The following TGM3 variants were observed in gnomAD, a reference collection of about 807,000 sequenced individuals.
TGM3 encodes the protein transglutaminase 3.
In TGM3, 52 loss-of-function variants were observed where a neutral mutation model predicts 73.8. The observed-to-expected ratio is 0.70, with a 90% CI of 0.56 to 0.89. TGM3 has a LOEUF of 0.89. TGM3 is among the 40% of genes least tolerant of loss of function. The probability of loss-of-function intolerance (pLI) is 0.00; values close to 1 mark genes in which losing one functional copy is unlikely to be tolerated. For missense variants in TGM3, 928 were observed against 909.9 expected (o/e 1.02, Z -0.26); for synonymous variants, 372 against 354.9 (o/e 1.05, Z -0.54).
intron 1 of TGM3, among the ~76,000 whole-genome samples, chr20:2,306,885 G>A (rs1294877771): frequency 6.6e-6 from 1 of 152,138 alleles, no homozygotes; most frequent in Non-Finnish European, 1.5e-5. Flanking sequence ...AAAGTTGGGG[G>A]CCATTTCCCT....
At chr20:2,316,126 T>C (rs2084231893) in intron 5 of TGM3, among the ~76,000 whole-genome samples, 1 of 152,360 alleles carries the variant, frequency 6.6e-6, no homozygotes, top group Admixed American at 6.5e-5. Context: ...AGTCCAGTGA[T>C]CTTTCCAGGC....
At chr20:2,319,246 C>A (rs1470934760) in intron 7 of TGM3, among the ~76,000 whole-genome samples, 1 of 152,162 alleles carries the variant, frequency 6.6e-6, no homozygotes, top group African/African-American at 2.4e-5. Flanking sequence ...AGTTGGGGGT[C>A]CCCTCGGCAT....
intron 1 of TGM3, among the ~76,000 whole-genome samples, chr20:2,306,231 A>G (rs1172282961): frequency 1.3e-5 from 2 of 152,006 alleles, no homozygotes; most frequent in African/African-American, 4.8e-5. Flanking sequence ...TTTCCTTACC[A>G]CTGTGCTGGA....
At chr20:2,315,099 A>T (rs2084226228) in intron 5 of TGM3, among the ~76,000 whole-genome samples, 1 of 152,156 alleles carries the variant, frequency 6.6e-6, no homozygotes, top group South Asian at 2.1e-4. Flanking sequence ...AAGAGGTGGG[A>T]TTAAAGCCCT....
chr20:2,305,639 C>T (rs184396066), intron 1 of TGM3, among the ~76,000 whole-genome samples: 74 of 152,312 alleles, frequency 4.9e-4, no homozygotes, highest in African/African-American at 1.6e-3. Context: ...GGAGCAGTCT[C>T]GCACATCCCA....
At chr20:2,301,752 G>A (rs2084149578) in intron 1 of TGM3, among the ~76,000 whole-genome samples, 1 of 151,926 alleles carries the variant, frequency 6.6e-6, no homozygotes, top group Non-Finnish European at 1.5e-5. Context: ...CCAGGCAGGA[G>A]TGCAGTGGTG....
At chr20:2,312,829 C>G in intron 4 of TGM3, 69 bp from the exon 5 acceptor site, 2 of 1,595,246 alleles carry the variant, frequency 1.3e-6, no homozygotes, top group Non-Finnish European at 1.7e-6. Flanking sequence ...CTTGCCAGTG[C>G]AGTTCCCTTC....
intron 1 of TGM3, among the ~76,000 whole-genome samples, chr20:2,301,142 G>T (rs548705666): frequency 4.1e-4 from 62 of 151,988 alleles, no homozygotes; most frequent in Non-Finnish European, 7.8e-4. Flanking sequence ...AAAATGTCAT[G>T]ATATGTGGGG....
chr20:2,323,109 C>T (rs994303401), intron 7 of TGM3, among the ~76,000 whole-genome samples: 34 of 151,804 alleles, frequency 2.2e-4, no homozygotes, highest in Non-Finnish European at 5.9e-5. Flanking sequence ...AGGTGGTATT[C>T]GGTTACATAA....
At chr20:2,296,818 A>G (rs1323167496) in intron 1 of TGM3, among the ~76,000 whole-genome samples, 4 of 152,164 alleles carry the variant, frequency 2.6e-5, no homozygotes, top group African/African-American at 7.2e-5. Flanking sequence ...CAGCATGCTA[A>G]TTATTATCTG....
chr20:2,318,905 T>C (rs1010121701), intron 7 of TGM3, among the ~76,000 whole-genome samples: 3 of 152,026 alleles, frequency 2.0e-5, no homozygotes, highest in Non-Finnish European at 2.9e-5. Flanking sequence ...AGCAACCGAG[T>C]TGAGTAATAA....
At chr20:2,318,660 C>T (rs955993530) in intron 7 of TGM3, among the ~76,000 whole-genome samples, 1 of 152,186 alleles carries the variant, frequency 6.6e-6, no homozygotes. Flanking sequence ...TACACACACA[C>T]ATAATTGCTC....
At chr20:2,327,970 G>GTGTCC in intron 8 of TGM3, 150 bp from the exon 9 acceptor site, 2 of 1,106,712 alleles carry the variant, frequency 1.8e-6, no homozygotes, top group South Asian at 3.0e-5. Flanking sequence ...TCTGCAGAAT[G>GTGTCC]CCAAATGAGT....
intron 2 of TGM3, 79 bp from the exon 3 acceptor site, chr20:2,310,099 G>GGGGGTT (rs1207522085): frequency 7.2e-5 from 114 of 1,579,688 alleles, no homozygotes; most frequent in Non-Finnish European, 9.4e-5. Flanking sequence ...TCCCCCAGAG[G>GGGGGTT]GGGGTTGTAT....
intron 7 of TGM3, 29 bp downstream of exon 7, chr20:2,317,514 C>T (rs570209478): frequency 1.2e-5 from 20 of 1,612,610 alleles, no homozygotes; most frequent in Admixed American, 1.0e-4. Flanking sequence ...CCCTGAACTT[C>T]GAGCACCACA....
Position 2,334,404 on chromosome 20 carries a change from G to A in TGM3, c.1643-712G>A, listed in dbSNP as rs1471099456. ...TTTAGAAAACAAAACAGAACAAAAC[G>A]AAAAACAGCTTTCCAAAGCTTTGTC... On this transcript the variant is annotated intron_variant, in intron 10 of 12. Coordinates refer to ENST00000381458, the MANE Select transcript of TGM3 (RefSeq NM_003245.4). The surrounding 1 kb of genome is among the most constrained non-coding windows in gnomAD (Gnocchi z 4.0). 2.0e-5 allele frequency among the ~76,000 whole-genome samples: 3 copies of A among 152,138 alleles called. No homozygotes were observed. The highest frequency in any genetic ancestry group is 7.2e-5 in the African/African-American group (3 of 41,428).
chr20:2,331,005 C>CAAAAAAAA (rs59627856), intron 9 of TGM3, among the ~76,000 whole-genome samples: 7 of 65,482 alleles, frequency 1.1e-4, no homozygotes, highest in African/African-American at 1.9e-4. Flanking sequence ...GACCCTGTCA[C>CAAAAAAAA]AAAAAAAAAA....
chr20:2,314,976 T>C (rs562446552), intron 5 of TGM3, among the ~76,000 whole-genome samples: 20 of 152,260 alleles, frequency 1.3e-4, no homozygotes, highest in African/African-American at 4.6e-4. Flanking sequence ...GAGCTGAGTC[T>C]TAGACTGAGC....
intron 11 of TGM3, among the ~76,000 whole-genome samples, chr20:2,337,454 C>A (rs1464947782): frequency 6.6e-6 from 1 of 152,170 alleles, no homozygotes; most frequent in Non-Finnish European, 1.5e-5. Context: ...CGCGGTGGCT[C>A]ACTCTTGCAA....
Sources: gnomAD v4.1 joint callset for allele counts (sites outside exome capture counted in the v4.1 genomes callset) on GRCh38, gnomAD v4.1.1 for gene constraint, Gnocchi (gnomAD v3.1) non-coding constraint, MANE v1.5 for transcripts, NCBI Gene and HGNC (gene_info 2026-07-23, HGNC 2026-07-21) for gene names.